The following CCDC187 variants were observed in gnomAD, a reference collection of about 807,000 sequenced individuals.
CCDC187 encodes coiled-coil domain containing 187.
A neutral mutation model predicts 38.0 loss-of-function variants in CCDC187; 32 were observed. The observed-to-expected ratio is 0.84, with a 90% CI of 0.64 to 1.13. CCDC187 has a LOEUF of 1.13. Ranked by LOEUF, CCDC187 falls within the 50% of genes most tolerant of loss-of-function variation. The probability of loss-of-function intolerance (pLI) is 0.00; values close to 1 mark genes in which losing one functional copy is unlikely to be tolerated. For missense variants in CCDC187, 707 were observed against 786.8 expected (o/e 0.90, Z 1.21); for synonymous variants, 333 against 347.9 (o/e 0.96, Z 0.48).
At chr9:136,295,631 A>G (rs1441570591) in intron 4 of CCDC187, among the ~76,000 whole-genome samples, 1 of 152,210 alleles carries the variant, frequency 6.6e-6, no homozygotes, top group East Asian at 1.9e-4. Flanking sequence ...AATTCATCCA[A>G]TTCCCAAGTC....
intron 7 of CCDC187, among the ~76,000 whole-genome samples, chr9:136,289,320 C>A (rs1487791189): frequency 6.6e-6 from 1 of 152,006 alleles, no homozygotes; most frequent in East Asian, 1.9e-4. Flanking sequence ...GAGTTCGAGA[C>A]TAGCCTGGCC....
Position 136,291,064 on chromosome 9 carries a change from G to A in CCDC187, c.1549C>T (p.Pro517Ser). The A allele has an allele frequency of 2.5e-6, 1 of 398,734 alleles. No individual in the cohort carries two copies. The highest frequency in any genetic ancestry group is 4.4e-6 in the Non-Finnish European group (1 of 226,158). The allele number at this position is 398,734 out of a possible 1,614,324, so 24.7% of individuals were successfully genotyped here. A position where few individuals can be genotyped will look rare whatever the true frequency, so the allele number is the denominator to read the frequency against. Residue 517 changes from proline (P) to serine (S), a missense_variant, in exon 6 of 26, where the codon CCT (proline) becomes TCT (serine). Pro to Ser is a moderately conservative substitution (Grantham distance 74). Transcript: ENST00000638797. ...AQRQGPSSQR[P>S]GSPPEKRSPF... is the part of the protein sequence containing the mutation. ...CTCCGCTTTTCAGGGGGGCTCCCAG[G>A]CCTCTGGGAGGAGGGGCCCTGTCTT... is the stretch of plus-strand genomic sequence containing the variant.
chr9:136,271,068 C>T (rs1022912173), intron 14 of CCDC187, among the ~76,000 whole-genome samples: 1 of 152,230 alleles, frequency 6.6e-6, no homozygotes, highest in African/African-American at 2.4e-5. Flanking sequence ...TCTCTTGCCT[C>T]GGCACCTGGG....
At chr9:136,294,870 G>A (rs1360494676) in intron 4 of CCDC187, among the ~76,000 whole-genome samples, 1 of 152,234 alleles carries the variant, frequency 6.6e-6, no homozygotes, top group African/African-American at 2.4e-5. Flanking sequence ...GGACCCCAAG[G>A]TAGAGGAAGG....
At chr9:136,295,281 G>A (rs1189063478) in intron 4 of CCDC187, among the ~76,000 whole-genome samples, 5 of 152,214 alleles carry the variant, frequency 3.3e-5, no homozygotes, top group African/African-American at 7.2e-5. Context: ...GGGGCTGCCC[G>A]CCTGCCCGCC....
chr9:136,266,484 C>T (rs1232036920), intron 16 of CCDC187: 4 of 152,258 alleles, frequency 2.6e-5, no homozygotes, highest in Non-Finnish European at 5.9e-5. Context: ...GTGGCAGTAT[C>T]AAGCGGCTTC....
Position 136,254,674 on chromosome 9 carries a change from G to A in CCDC187, c.5154C>T (p.Ser1718=). 1.0e-6 allele frequency: 1 copy of A among 985,532 alleles called. No homozygotes were observed. Among genetic ancestry groups the A allele is most frequent in the African/African-American group, 1.7e-5 (1 of 57,376 alleles). The allele number at this position is 985,532 out of a possible 1,614,324, so 61.0% of individuals were successfully genotyped here. Residue 1718 remains serine, a synonymous_variant, in exon 26 of 26, where the codon TCC becomes TCT. Coordinates refer to ENST00000638797, the MANE Select transcript of CCDC187 (RefSeq NM_001378188.1). Reference sequence around the variant, plus strand: ...CTTCTGCCATGGCCGTGTCCAAGGAGGAGCCACGCAGGGGGCCGGCCCTGC... The same window carrying A: ...CTTCTGCCATGGCCGTGTCCAAGGAAGAGCCACGCAGGGGGCCGGCCCTGC... ...QGRRAGPLRG[S]SLDTAMAEVS...
At chr9:136,268,720 T>G (rs1463184171) in intron 14 of CCDC187, among the ~76,000 whole-genome samples, 1 of 151,310 alleles carries the variant, frequency 6.6e-6, no homozygotes, top group Admixed American at 6.5e-5. Context: ...TATATAGAGA[T>G]ATGTGTGTGT....
At chr9:136,262,616 T>A (rs1830692826) in intron 18 of CCDC187, among the ~76,000 whole-genome samples, 154 bp from the exon 19 acceptor site, 1 of 152,176 alleles carries the variant, frequency 6.6e-6, no homozygotes. Context: ...AGACAGGACC[T>A]CTCATTTGAG....
chr9:136,290,628 A>G lies in CCDC187; in HGVS notation c.1985T>C (p.Leu662Pro), dbSNP rs2131304786. ...RQALEEKASA[L>P]RTRELRSRRL... ...CCGGCTCCTCAGCTCCCGTGTGCGCAGGGCCGAGGCCTTCTCCTCCAGGGC... is the reference window on the plus strand; with the variant it reads ...CCGGCTCCTCAGCTCCCGTGTGCGCGGGGCCGAGGCCTTCTCCTCCAGGGC... The change falls in exon 6 of 26, where the codon CTG (leucine) becomes CCG (proline). Residue 662 changes from leucine (L) to proline (P), a missense_variant. Leu to Pro is a moderately conservative substitution (Grantham distance 98). Transcript: ENST00000638797. The G allele has an allele frequency of 1.0e-5, 4 of 398,564 alleles. No homozygotes were observed. The East Asian group carries it at 1.4e-4, about 14-fold the overall frequency. The allele number at this position is 398,564 out of a possible 1,614,324, so 24.7% of individuals were successfully genotyped here.
In CCDC187 at chr9:136,257,770, C is replaced by T. The variant is rs1056488623; in HGVS notation, c.4367-929G>A. 6.6e-6 allele frequency among the ~76,000 whole-genome samples: 1 copy of T among 152,370 alleles called. No individual in the cohort carries two copies. Among genetic ancestry groups the T allele is most frequent in the Non-Finnish European group, 1.5e-5 (1 of 68,036 alleles). ...GGGGGAAGCTCCATCAGTGGGAACA[C>T]CTGCCCTCTTGTCCGTGGCTCCGGG... On this transcript the variant is annotated intron_variant, in intron 22 of 25. Transcript: ENST00000638797. This position sits in a 1 kb window ranked among gnomAD's most constrained non-coding sequence, Gnocchi z 4.5.
rs943684836 is a variant in CCDC187 at position 136,262,572 on chromosome 9, C to T, written c.3913-110G>A. On this transcript the variant is annotated intron_variant, in intron 18 of 25. Coordinates refer to ENST00000638797, the MANE Select transcript of CCDC187 (RefSeq NM_001378188.1). ...GGCTGTGGCAGGGCTAGGGCAGTGCCGGGGCTGCTTGCTCCCCACTGGGTG... is the reference window on the plus strand; with the variant it reads ...GGCTGTGGCAGGGCTAGGGCAGTGCTGGGGCTGCTTGCTCCCCACTGGGTG... 2.5e-5 allele frequency: 23 copies of T among 912,264 alleles called. No homozygotes were observed. The East Asian group carries it at 7.0e-4, about 28-fold the overall frequency. 56.5% of individuals were successfully genotyped at this position (912,264 alleles called of 1,614,324 possible).
At chr9:136,299,675 C>T (rs1451817870) in intron 3 of CCDC187, among the ~76,000 whole-genome samples, 1 of 152,238 alleles carries the variant, frequency 6.6e-6, no homozygotes, top group African/African-American at 2.4e-5. Flanking sequence ...CCCCCTCCAT[C>T]CTACCCCTTC....
At chr9:136,267,065 A>G (rs138848397) in intron 16 of CCDC187, 4,243 of 154,254 alleles carry the variant, frequency 0.028, 167 homozygotes, top group African/African-American at 0.092. Flanking sequence ...CTCCAGCCTG[A>G]GCAACAAGAG....
intron 18 of CCDC187, 92 bp downstream of exon 18, chr9:136,263,530 G>A (rs1461524496): frequency 1.5e-5 from 14 of 928,186 alleles, no homozygotes; most frequent in Non-Finnish European, 1.8e-5. Context: ...CACCGCGCCC[G>A]GCCCACAGGC....
Position 136,268,089 on chromosome 9 carries a change from G to A in CCDC187, c.3479C>T (p.Pro1160Leu), listed in dbSNP as rs1287073906. ...EGPDGALSQL[P>L]LAKFFPPDNP... The stretch of plus-strand genomic sequence containing the variant: ...GTCCGGAGGGAAGAACTTGGCCAGG[G>A]GAAGCTGGGAGAGGGCTCCGTCAGG... Residue 1160 changes from proline (P) to leucine (L), a missense_variant, in exon 15 of 26, where the codon CCC becomes CTC. Coordinates refer to ENST00000638797, the MANE Select transcript of CCDC187 (RefSeq NM_001378188.1). 5 of 985,426 alleles carry A rather than the reference G, an allele frequency of 5.1e-6. No homozygotes were observed. The African/African-American group carries it at 8.7e-5, about 17-fold the overall frequency. The allele number at this position is 985,426 out of a possible 1,614,324, so 61.0% of individuals were successfully genotyped here.
chr9:136,272,617 C>T (rs903919572), intron 14 of CCDC187, among the ~76,000 whole-genome samples: 11 of 151,804 alleles, frequency 7.2e-5, no homozygotes, highest in Admixed American at 2.0e-4. Flanking sequence ...GCAGGAGAAT[C>T]GCTTGAACCT....
At chr9:136,281,862 CCAGGAGG>C (rs1314539241) in intron 9 of CCDC187, among the ~76,000 whole-genome samples, 199 bp from the exon 10 acceptor site, 111 of 152,260 alleles carry the variant, frequency 7.3e-4, no homozygotes, top group African/African-American at 2.5e-3. Flanking sequence ...GGCCTGGGAG[CCAGGAGG>C]CAGGGGTGAG....
In CCDC187 at chr9:136,251,403, G is replaced by A. The variant is rs1830534219; in HGVS notation, c.*2191C>T. The A allele has an allele frequency of 5.3e-5, 13 of 243,314 alleles. No homozygotes were observed. The South Asian group carries it at 6.5e-4, about 12-fold the overall frequency. 15.1% of individuals were successfully genotyped at this position (243,314 alleles called of 1,614,324 possible). On this transcript the variant is annotated 3_prime_UTR_variant, in exon 26 of 26. Coordinates refer to ENST00000638797, the MANE Select transcript of CCDC187 (RefSeq NM_001378188.1). ...TGCGCAGAAATGACCTTGGGCCCTT[G>A]AGCCGTGGCTTCCTCTGGTCTGTGC...
Sources: gnomAD v4.1 joint callset for allele counts (sites outside exome capture counted in the v4.1 genomes callset) on GRCh38, gnomAD v4.1.1 for gene constraint, Gnocchi (gnomAD v3.1) non-coding constraint, MANE v1.5 for transcripts, NCBI Gene and HGNC (gene_info 2026-07-23, HGNC 2026-07-21) for gene names.